TSHZ3: variants seen among roughly 807,000 people sequenced by gnomAD.
TSHZ3 encodes the protein teashirt homolog 3.
TSHZ3 carries 10 observed loss-of-function variants against 64.5 expected under a neutral mutation model. That is an observed-to-expected ratio of 0.16 (90% CI 0.10 to 0.26). The LOEUF (loss-of-function observed/expected upper bound fraction) is 0.26, where lower values mean the gene tolerates loss of function less well. Among genes scored for constraint, TSHZ3 ranks in the 10% least tolerant of loss-of-function variants. The pLI is 1.00. For synonymous variants in TSHZ3, 608 were observed against 593.1 expected (o/e 1.03, Z -0.36); for missense variants, 1,242 against 1,421.7 (o/e 0.87, Z 2.03).
upstream of TSHZ3, among the ~76,000 whole-genome samples, chr19:31,349,803 T>C (rs1226930932): frequency 1.4e-5 from 2 of 141,662 alleles, no homozygotes; most frequent in African/African-American, 5.2e-5. Flanking sequence ...GGCGGTCCAG[T>C]CTTCTGCCCG....
chr19:31,278,455 G>A lies in TSHZ3; in HGVS notation c.1338C>T (p.Pro446=). 2 of 1,614,182 alleles carry A rather than the reference G, an allele frequency of 1.2e-6. No homozygotes were observed. Among genetic ancestry groups the A allele is most frequent in the South Asian group, 2.2e-5 (2 of 91,088 alleles). ...GGGACGTGAAGGTGGTGGCTGCCAG[G>A]GGCACGGACTGGACCTTCTCATCCA... The part of the protein sequence containing the change: ...TLLDEKVQSV[P]LAATTFTSPS... Residue 446 remains proline (P), a synonymous_variant, in exon 2 of 2, where the codon CCC becomes CCT. Transcript: ENST00000240587. This position sits in a 1 kb window ranked among gnomAD's most constrained non-coding sequence, Gnocchi z 4.7.
At chr19:31,299,677 C>G (rs1018911168) in intron 1 of TSHZ3, among the ~76,000 whole-genome samples, 1 of 152,128 alleles carries the variant, frequency 6.6e-6, no homozygotes, top group African/African-American at 2.4e-5. Context: ...CCCGTGTCCA[C>G]ACATAGCAAG....
At chr19:31,259,225 A>C (rs910665860) in intron 1 of TSHZ3, among the ~76,000 whole-genome samples, 3 of 152,254 alleles carry the variant, frequency 2.0e-5, no homozygotes, top group African/African-American at 7.2e-5. Context: ...AGTGATTTCC[A>C]TAAAAGTAGA....
At chr19:31,313,949 G>T (rs1599642731) in intron 1 of TSHZ3, among the ~76,000 whole-genome samples, 1 of 152,216 alleles carries the variant, frequency 6.6e-6, no homozygotes, top group Admixed American at 6.5e-5. Flanking sequence ...AATTTCACTT[G>T]TAAATCAGGT....
intron 1 of TSHZ3, among the ~76,000 whole-genome samples, chr19:31,299,492 A>T (rs1976719403): frequency 6.6e-6 from 1 of 152,142 alleles, no homozygotes; most frequent in Non-Finnish European, 1.5e-5. Flanking sequence ...ATCAAGAGGG[A>T]AAGTCATTTT....
At chr19:31,207,978 C>A (rs923666528) in intron 4 of TSHZ3, among the ~76,000 whole-genome samples, 1 of 152,170 alleles carries the variant, frequency 6.6e-6, no homozygotes, top group East Asian at 1.9e-4. Context: ...GTTCTAAAAC[C>A]TTTATCATAA....
chr19:31,254,477 G>T (rs1975882937), intron 1 of TSHZ3, among the ~76,000 whole-genome samples: 1 of 152,218 alleles, frequency 6.6e-6, no homozygotes, highest in Non-Finnish European at 1.5e-5. Context: ...AATCCCCGGG[G>T]CTGAAATATA....
At chr19:31,261,716 G>A (rs1352587109) in intron 1 of TSHZ3, among the ~76,000 whole-genome samples, 2 of 152,204 alleles carry the variant, frequency 1.3e-5, no homozygotes, top group East Asian at 1.9e-4. Flanking sequence ...GCTGGGACTC[G>A]GGTTTCCTGC....
chr19:31,262,640 T>C (rs909099095), intron 1 of TSHZ3, among the ~76,000 whole-genome samples: 3 of 152,222 alleles, frequency 2.0e-5, no homozygotes, highest in African/African-American at 7.2e-5. Context: ...CTTGAAAATC[T>C]TATCTTTAAA....
At position 31,277,565 on chromosome 19, in the gene TSHZ3, G is replaced by A; in HGVS notation, c.2228C>T (p.Ala743Val). Residue 743 changes from alanine (A) to valine (V), a missense_variant, in exon 2 of 2, where the codon GCC becomes GTC. Ala to Val is a moderately conservative substitution (Grantham distance 64). Transcript: ENST00000240587. This position sits in a 1 kb window ranked among gnomAD's most constrained non-coding sequence, Gnocchi z 4.5. ...LGKAAKPSLP[A>V]LDPMSMLFKM... is the part of the protein sequence containing the mutation. ...GAAAAGCATGCTCATGGGGTCCAGG[G>A]CAGGCAGGGAGGGCTTGGCGGCCTT... The A allele has an allele frequency of 6.2e-7, 1 of 1,600,462 alleles. No individual in the cohort carries two copies. The highest frequency in any genetic ancestry group is 8.5e-7 in the Non-Finnish European group (1 of 1,172,648).
At chr19:31,217,328 T>C (rs1343061777) in intron 4 of TSHZ3, among the ~76,000 whole-genome samples, 1 of 151,944 alleles carries the variant, frequency 6.6e-6, no homozygotes, top group African/African-American at 2.4e-5. Context: ...GAGGGGGAGA[T>C]GGAGCAGATG....
At chr19:31,327,692 G>A (rs979451242) in intron 1 of TSHZ3, among the ~76,000 whole-genome samples, 4 of 152,084 alleles carry the variant, frequency 2.6e-5, no homozygotes, top group Non-Finnish European at 4.4e-5. Flanking sequence ...ATATGTAACT[G>A]AGCCAGGCAG....
intron 4 of TSHZ3, among the ~76,000 whole-genome samples, chr19:31,206,594 T>TAAGGACAC (rs1221968968): frequency 2.6e-5 from 4 of 152,136 alleles, no homozygotes; most frequent in Non-Finnish European, 5.9e-5. Flanking sequence ...AGCAAGGACA[T>TAAGGACAC]AAGGACACGA....
chr19:31,183,178 T>TTCTCTC lies in TSHZ3; in HGVS notation n.809+21772_809+21777dup, dbSNP rs750398873. Reference sequence around the variant, plus strand: ...AATCATGTGAGCCAATTCTATGAGATTCTCTCTCTCTCTCTCTCTCTCTCT... The same window carrying TTCTCTC: ...AATCATGTGAGCCAATTCTATGAGATTCTCTCTCTCTCTCTCTCTCTCTCTCTCTCT... On this transcript the variant is annotated intron_variant and non_coding_transcript_variant, in intron 5 of 6. Transcript: ENST00000651361. Among the ~76,000 whole-genome samples, 483 of 116,450 alleles carry TTCTCTC rather than the reference T, an allele frequency of 4.1e-3. 1 individual carries two copies. Among genetic ancestry groups the TTCTCTC allele is most frequent in the Non-Finnish European group, 6.0e-3 (336 of 56,156 alleles). The allele number at this position is 116,450 out of a possible 152,430, so 76.4% of individuals were successfully genotyped here.
At position 31,276,726 on chromosome 19, in the gene TSHZ3, A is replaced by T; in HGVS notation, c.3067T>A (p.Ser1023Thr). ...QINSQIAQTKSPSEKMVTSSP... is the reference protein window; with the variant it reads ...QINSQIAQTKTPSEKMVTSSP... ...GACGTCACCATTTTTTCTGACGGTG[A>T]CTTGGTTTGTGCTATCTGACTGTTA... The change falls in exon 2 of 2, where the codon TCA becomes ACA. Residue 1023 changes from serine (S) to threonine (T), a missense_variant. Around this residue, in one of 4 missense-constraint regions of TSHZ3, gnomAD observed 126 missense variants for 140.6 expected, o/e 0.90. Coordinates refer to ENST00000240587, the MANE Select transcript of TSHZ3 (RefSeq NM_020856.4). 1 of 1,613,456 alleles carries T rather than the reference A, an allele frequency of 6.2e-7. No homozygotes were observed. The highest frequency in any genetic ancestry group is 8.5e-7 in the Non-Finnish European group (1 of 1,179,406).
At chr19:31,156,251 C>T (rs79718803) in intron 6 of TSHZ3, among the ~76,000 whole-genome samples, 2,079 of 152,214 alleles carry the variant, frequency 0.014, 35 homozygotes, top group East Asian at 0.066. Flanking sequence ...GTGTCAGGCA[C>T]GTAATAGGTA....
intron 1 of TSHZ3, among the ~76,000 whole-genome samples, chr19:31,330,915 C>T (rs1917070861): frequency 6.6e-6 from 1 of 152,060 alleles, no homozygotes; most frequent in Admixed American, 6.6e-5. Flanking sequence ...GCATGCTTGT[C>T]CCCCACAGGC....
chr19:31,215,870 CA>C (rs1230870157), intron 4 of TSHZ3, among the ~76,000 whole-genome samples: 4 of 147,014 alleles, frequency 2.7e-5, no homozygotes, highest in Admixed American at 6.8e-5. Context: ...GACTCTGTCT[CA>C]AAAAAAAAGG....
chr19:31,323,917 C>T (rs983481492), intron 1 of TSHZ3, among the ~76,000 whole-genome samples: 12 of 143,772 alleles, frequency 8.3e-5, no homozygotes, highest in African/African-American at 3.2e-4. Context: ...CACACACACA[C>T]AGTGCATTGC....
Sources: gnomAD v4.1 joint callset for allele counts (sites outside exome capture counted in the v4.1 genomes callset) on GRCh38, gnomAD v4.1.1 for gene constraint, gnomAD v4.1.1 regional missense constraint, Gnocchi (gnomAD v3.1) non-coding constraint, MANE v1.5 for transcripts, NCBI Gene and HGNC (gene_info 2026-07-23, HGNC 2026-07-21) for gene names.